Variants in RMI1 observed in about 807,000 individuals in gnomAD.
RMI1 encodes RecQ mediated genome instability 1.
In RMI1, 36 loss-of-function variants were observed where a neutral mutation model predicts 46.7. The ratio of observed to expected loss-of-function variants is 0.77; its 90% CI spans 0.59 to 1.02. The LOEUF (loss-of-function observed/expected upper bound fraction) is 1.02. Ranked by LOEUF, RMI1 falls within the 50% of genes least tolerant of loss-of-function variation. The probability of loss-of-function intolerance (pLI) is 0.00; values close to 1 mark genes in which losing one functional copy is unlikely to be tolerated. For missense variants in RMI1, 676 were observed against 713.7 expected (o/e 0.95, Z 0.60); for synonymous variants, 250 against 252.9 (o/e 0.99, Z 0.11).
At chr9:84,000,928 A>G in intron 2 of RMI1, 23 bp from the exon 3 acceptor site, 1 of 1,265,342 alleles carries the variant, frequency 7.9e-7, no homozygotes, top group Non-Finnish European at 1.1e-6. Context: ...AATTATCTAA[A>G]TTTTTTTGTT....
rs1320386064 is a variant in RMI1 at position 84,002,196 on chromosome 9, G to C, written c.1210G>C (p.Val404Leu). 1 of 1,613,564 alleles carries C rather than the reference G, an allele frequency of 6.2e-7. No individual in the cohort carries two copies. Among genetic ancestry groups the C allele is most frequent in the Non-Finnish European group, 8.5e-7 (1 of 1,179,806 alleles). The part of the protein sequence containing the change: ...VRDQNRSIFS[V>L]HCNVPLAHDF... The stretch of plus-strand genomic sequence containing the variant: ...AGACCAAAACAGGAGTATTTTTTCA[G>C]TTCATTGTAATGTACCCTTAGCCCA... The change falls in exon 3 of 3, where the codon GTT becomes CTT. Residue 404 changes from valine (V) to leucine (L), a missense_variant. Coordinates refer to ENST00000445877, the MANE Select transcript of RMI1 (RefSeq NM_001358291.2).
chr9:83,998,444 T>A (rs1010121413), intron 1 of RMI1, among the ~76,000 whole-genome samples: 2 of 152,174 alleles, frequency 1.3e-5, no homozygotes, highest in Non-Finnish European at 2.9e-5. Flanking sequence ...CATTTAAAAA[T>A]TTTTAATGGT....
chr9:84,003,334 CTG>C lies in RMI1; in HGVS notation c.*472_*473del, dbSNP rs1957767483. On this transcript the variant is annotated 3_prime_UTR_variant, in exon 3 of 3. Transcript: ENST00000445877. ...CAAAGTTTACTTTTTTTAAAAGTAA[CTG>C]TTAGATGGAGGAATATGGTGACCCA... is the stretch of plus-strand genomic sequence containing the variant. 1 of 167,242 alleles carries C rather than the reference CTG, an allele frequency of 6.0e-6. No homozygotes were observed. The highest frequency in any genetic ancestry group is 2.4e-5 in the African/African-American group (1 of 41,408). 10.4% of individuals were successfully genotyped at this position (167,242 alleles called of 1,614,324 possible).
intron 1 of RMI1, 142 bp downstream of exon 1, chr9:83,981,033 G>C (rs975010500): frequency 6.6e-6 from 1 of 152,376 alleles, no homozygotes; most frequent in Non-Finnish European, 1.5e-5. Context: ...CGTCCGCTGG[G>C]CCGGGCCCAC....
intron 1 of RMI1, among the ~76,000 whole-genome samples, chr9:83,995,618 G>T (rs1296481749): frequency 1.3e-5 from 2 of 151,850 alleles, no homozygotes; most frequent in African/African-American, 4.8e-5. Context: ...GGTAGAGACG[G>T]GGTTTCACCA....
chr9:84,002,853 TTAAA>T lies in RMI1; in HGVS notation c.1875_1878del (p.Lys625AsnfsTer2), dbSNP rs751310081. 1.5e-5 allele frequency: 22 copies of T among 1,514,312 alleles called. No homozygotes were observed. The highest frequency in any genetic ancestry group is 2.8e-5 in the African/African-American group (2 of 71,598). 93.8% of individuals were successfully genotyped at this position (1,514,312 alleles called of 1,614,324 possible). The stretch of plus-strand genomic sequence containing the variant: ...ACACCTTGAGAATCTAAAGAAGCGG[TTAAA>T]TAAATAATTAAACTAAAATAGTATT... On this transcript the variant is annotated frameshift_variant, in exon 3 of 3. Transcript: ENST00000445877. LOFTEE classifies it high-confidence loss of function.
At chr9:83,987,318 G>A (rs1348556342) in intron 1 of RMI1, among the ~76,000 whole-genome samples, 3 of 152,174 alleles carry the variant, frequency 2.0e-5, no homozygotes, top group Admixed American at 2.0e-4. Context: ...CTCCCAAAGT[G>A]CTAGGGTTAC....
At chr9:83,990,118 A>G (rs765357683) in intron 1 of RMI1, among the ~76,000 whole-genome samples, 1 of 152,232 alleles carries the variant, frequency 6.6e-6, no homozygotes, top group Non-Finnish European at 1.5e-5. Context: ...TTGGGATTTA[A>G]AAAAAGTTGA....
intron 1 of RMI1, among the ~76,000 whole-genome samples, chr9:83,987,419 C>G (rs961176414): frequency 2.6e-5 from 4 of 152,070 alleles, no homozygotes; most frequent in African/African-American, 9.7e-5. Context: ...AGATTGTTTT[C>G]TTTATATTTT....
At position 84,002,646 on chromosome 9, in the gene RMI1, A is replaced by T. The variant is rs776447514; in HGVS notation, c.1660A>T (p.Ile554Leu). Residue 554 changes from isoleucine (I) to leucine (L), a missense_variant, in exon 3 of 3, where the codon ATA (isoleucine) becomes TTA (leucine). Physicochemically the swap from Ile to Leu is conservative, Grantham distance 5 (BLOSUM62 2). Coordinates refer to ENST00000445877, the MANE Select transcript of RMI1 (RefSeq NM_001358291.2). ...DFVDEILTSL[I>L]GFSVPEMKQS... Reference sequence around the variant, plus strand: ...TGTGGATGAAATACTTACTAGCTTGATAGGGTTCTCAGTACCAGAAATGAA... The same window carrying T: ...TGTGGATGAAATACTTACTAGCTTGTTAGGGTTCTCAGTACCAGAAATGAA... 1 of 1,613,954 alleles carries T rather than the reference A, an allele frequency of 6.2e-7. No individual in the cohort carries two copies. Among genetic ancestry groups the T allele is most frequent in the Admixed American group, 1.7e-5 (1 of 60,014 alleles).
chr9:83,997,184 T>C (rs1318939142), intron 1 of RMI1, among the ~76,000 whole-genome samples: 1 of 139,376 alleles, frequency 7.2e-6, no homozygotes, highest in East Asian at 2.4e-4. Flanking sequence ...CAACCTCAGC[T>C]CACCACAACC....
chr9:83,995,179 G>A (rs1326483911), intron 1 of RMI1, among the ~76,000 whole-genome samples: 3 of 151,334 alleles, frequency 2.0e-5, no homozygotes, highest in Non-Finnish European at 4.4e-5. Flanking sequence ...TTTGTATTTC[G>A]AGTAGAGATG....
intron 1 of RMI1, among the ~76,000 whole-genome samples, chr9:83,987,848 T>G (rs1363299466): frequency 6.6e-6 from 1 of 152,210 alleles, no homozygotes; most frequent in African/African-American, 2.4e-5. Context: ...ATGGATATTA[T>G]CACAGTTTGT....
chr9:83,991,606 C>T (rs975740313), intron 1 of RMI1, among the ~76,000 whole-genome samples: 11 of 152,184 alleles, frequency 7.2e-5, no homozygotes, highest in African/African-American at 2.7e-4. Context: ...GCATGAGCCA[C>T]CACGTCCAGC....
Position 84,002,806 on chromosome 9 carries a change from C to T in RMI1, c.1820C>T (p.Ala607Val), listed in dbSNP as rs1044633843. 7 of 1,602,758 alleles carry T rather than the reference C, an allele frequency of 4.4e-6. No homozygotes were observed. Among genetic ancestry groups the T allele is most frequent in the Non-Finnish European group, 6.0e-6 (7 of 1,170,986 alleles). ...TCCTTGTCTAAAGCAATGGTACTGG[C>T]ATTACAAGATGTTAATATGGAACAC... ...NPSLSKAMVL[A>V]LQDVNMEHLE... The change falls in exon 3 of 3, where the codon GCA becomes GTA. Residue 607 changes from alanine (A) to valine (V), a missense_variant. Physicochemically the swap from Ala to Val is moderately conservative, Grantham distance 64. Transcript: ENST00000445877.
At chr9:83,999,191 A>AAT (rs201698091) in intron 1 of RMI1, among the ~76,000 whole-genome samples, 1,642 of 151,534 alleles carry the variant, frequency 0.011, 24 homozygotes, top group African/African-American at 0.036. Flanking sequence ...AATAAAATAA[A>AAT]AAAAAATAAA....
rs1957729880 is a variant in RMI1 at position 84,001,123 on chromosome 9, C to T, written c.137C>T (p.Ala46Val). 6.2e-7 allele frequency: 1 copy of T among 1,613,932 alleles called. No individual in the cohort carries two copies. Among genetic ancestry groups the T allele is most frequent in the Non-Finnish European group, 8.5e-7 (1 of 1,179,978 alleles). The stretch of plus-strand genomic sequence containing the variant: ...AATAATAATGTTAACTTGAGTCAGG[C>T]CCAAATGAATAAACAAGTGTTTGAG... Reference protein sequence around the residue: ...EENNNVNLSQAQMNKQVFEQW... With the variant: ...EENNNVNLSQVQMNKQVFEQW... The change falls in exon 3 of 3, where the codon GCC becomes GTC. Residue 46 changes from alanine to valine, a missense_variant. Coordinates refer to ENST00000445877, the MANE Select transcript of RMI1 (RefSeq NM_001358291.2).
intron 1 of RMI1, among the ~76,000 whole-genome samples, chr9:83,982,690 A>AC (rs201410773): frequency 0.012 from 1,767 of 151,972 alleles, 30 homozygotes; most frequent in African/African-American, 0.04. Context: ...AAAAACAAAA[A>AC]AAAAAACCTC....
intron 1 of RMI1, among the ~76,000 whole-genome samples, chr9:83,996,881 C>CTT (rs112420862): frequency 6.2e-5 from 9 of 146,294 alleles, no homozygotes; most frequent in African/African-American, 2.2e-4. Context: ...GTGCCACACA[C>CTT]TTTTTTTTTT....
Sources: gnomAD v4.1 joint callset for allele counts (sites outside exome capture counted in the v4.1 genomes callset) on GRCh38, gnomAD v4.1.1 for gene constraint, MANE v1.5 for transcripts, NCBI Gene and HGNC (gene_info 2026-07-23, HGNC 2026-07-21) for gene names.